Variants in CHST11 observed in about 807,000 individuals in gnomAD.
The protein encoded by CHST11 is C4S-1.
In CHST11, 9 loss-of-function variants were observed where a neutral mutation model predicts 30.4. The ratio of observed to expected loss-of-function variants is 0.30; its 90% CI spans 0.18 to 0.52. The LOEUF is 0.52. Among genes scored for constraint, CHST11 ranks in the 20% least tolerant of loss-of-function variants. The pLI, the probability that CHST11 is intolerant of heterozygous loss-of-function variation, is 0.97. For synonymous variants in CHST11, 152 were observed against 187.8 expected (o/e 0.81, Z 1.56); for missense variants, 348 against 460.6 (o/e 0.76, Z 2.24).
intron 1 of CHST11, among the ~76,000 whole-genome samples, chr12:104,505,630 G>A (rs2037898108): frequency 6.6e-6 from 1 of 152,204 alleles, no homozygotes; most frequent in Non-Finnish European, 1.5e-5. Context: ...TCTTGGACAA[G>A]TTATTTTAAC....
Position 104,533,188 on chromosome 12 carries a change from T to C in CHST11, c.119-68718T>C, listed in dbSNP as rs186725239. 2.3e-3 allele frequency among the ~76,000 whole-genome samples: 354 copies of C among 152,380 alleles called. 3 individuals carry two copies. Among genetic ancestry groups the C allele is most frequent in the African/African-American group, 8.2e-3 (342 of 41,594 alleles). On this transcript the variant is annotated intron_variant, in intron 1 of 2. Coordinates refer to ENST00000303694, the MANE Select transcript of CHST11 (RefSeq NM_018413.6). ...GGTATTTTGAACCCACCTCCATGAC[T>C]GTACTCATCACATCATGCTATAGTT... is the stretch of plus-strand genomic sequence containing the variant.
chr12:104,572,483 A>T (rs1399736847), intron 1 of CHST11, among the ~76,000 whole-genome samples: 3 of 152,120 alleles, frequency 2.0e-5, no homozygotes, highest in African/African-American at 7.2e-5. Flanking sequence ...TTCTTCTAGA[A>T]TTTCTAGTTT....
At chr12:104,486,929 G>A (rs75164619) in intron 1 of CHST11, among the ~76,000 whole-genome samples, 2,414 of 152,268 alleles carry the variant, frequency 0.016, 62 homozygotes, top group African/African-American at 0.055. Context: ...ATCCAACAGC[G>A]CAAGGCTTTT....
intron 1 of CHST11, among the ~76,000 whole-genome samples, chr12:104,499,225 A>G (rs1829426400): frequency 6.6e-6 from 1 of 152,142 alleles, no homozygotes; most frequent in Non-Finnish European, 1.5e-5. Flanking sequence ...GTTAGATTTG[A>G]TTTACTGCTT....
At chr12:104,649,987 A>G (rs2039475951) in intron 2 of CHST11, among the ~76,000 whole-genome samples, 1 of 152,204 alleles carries the variant, frequency 6.6e-6, no homozygotes, top group African/African-American at 2.4e-5. Flanking sequence ...CACTCCATCA[A>G]TTACTTGGTT....
At chr12:104,667,663 G>A (rs940844602) in intron 2 of CHST11, among the ~76,000 whole-genome samples, 1 of 152,138 alleles carries the variant, frequency 6.6e-6, no homozygotes, top group East Asian at 1.9e-4. Context: ...ATGACCTTAG[G>A]GGAGCTATGA....
At chr12:104,574,352 C>T (rs2038660970) in intron 1 of CHST11, among the ~76,000 whole-genome samples, 3 of 152,126 alleles carry the variant, frequency 2.0e-5, no homozygotes, top group Non-Finnish European at 4.4e-5. Context: ...CCAGCCATCC[C>T]ATTACTGGGT....
intron 1 of CHST11, among the ~76,000 whole-genome samples, chr12:104,488,612 T>C (rs868332973): frequency 1.4e-5 from 2 of 147,600 alleles, no homozygotes; most frequent in Non-Finnish European, 3.0e-5. Context: ...TATGTGTGTA[T>C]GTATGTGTGC....
chr12:104,531,504 A>G lies in CHST11; in HGVS notation c.119-70402A>G, dbSNP rs547253882. 1.9e-3 allele frequency among the ~76,000 whole-genome samples: 284 copies of G among 150,996 alleles called. 2 individuals are homozygous for G. Among genetic ancestry groups the G allele is most frequent in the African/African-American group, 6.7e-3 (276 of 41,142 alleles). On this transcript the variant is annotated intron_variant, in intron 1 of 2. Coordinates refer to ENST00000303694, the MANE Select transcript of CHST11 (RefSeq NM_018413.6). ...AAGAGAGAGAGAGAGAGAAAGATTAAGTGACATGGATACAAAGGATGGGAA... is the reference window on the plus strand; with the variant it reads ...AAGAGAGAGAGAGAGAGAAAGATTAGGTGACATGGATACAAAGGATGGGAA...
At chr12:104,473,988 GA>G (rs2037535123) in intron 1 of CHST11, among the ~76,000 whole-genome samples, 1 of 151,880 alleles carries the variant, frequency 6.6e-6, no homozygotes, top group Non-Finnish European at 1.5e-5. Flanking sequence ...AGGCTTAATT[GA>G]AAAAGAAACT....
intron 2 of CHST11, among the ~76,000 whole-genome samples, chr12:104,615,634 GA>G: frequency 1.3e-5 from 2 of 152,104 alleles, no homozygotes. Flanking sequence ...TGTAAAATGA[GA>G]ATAAGAATTG....
intron 1 of CHST11, among the ~76,000 whole-genome samples, chr12:104,479,268 C>T (rs2037594613): frequency 6.6e-6 from 1 of 152,064 alleles, no homozygotes; most frequent in Non-Finnish European, 1.5e-5. Context: ...TCTGTCTCCT[C>T]ATGGTGGCAA....
intron 1 of CHST11, among the ~76,000 whole-genome samples, chr12:104,573,858 AT>A (rs1213088685): frequency 6.6e-6 from 1 of 152,226 alleles, no homozygotes; most frequent in Non-Finnish European, 1.5e-5. Flanking sequence ...AAATTGACAA[AT>A]GGAATCTAAT....
At chr12:104,531,544 A>G (rs2135995091) in intron 1 of CHST11, among the ~76,000 whole-genome samples, 1 of 151,828 alleles carries the variant, frequency 6.6e-6, no homozygotes, top group South Asian at 2.1e-4. Flanking sequence ...CTGCAAAGAA[A>G]GATTGAAGTC....
At chr12:104,497,010 G>A (rs1168664565) in intron 1 of CHST11, among the ~76,000 whole-genome samples, 1 of 152,168 alleles carries the variant, frequency 6.6e-6, no homozygotes, top group Non-Finnish European at 1.5e-5. Context: ...CCTCTGACTT[G>A]TGGATGAGAA....
chr12:104,467,254 G>A (rs985422186), intron 1 of CHST11, among the ~76,000 whole-genome samples: 2 of 152,178 alleles, frequency 1.3e-5, no homozygotes, highest in Non-Finnish European at 2.9e-5. Flanking sequence ...AGATGGAGTT[G>A]TTTGTGGCCA....
chr12:104,508,080 C>T (rs368685156), intron 1 of CHST11, among the ~76,000 whole-genome samples: 9 of 152,328 alleles, frequency 5.9e-5, no homozygotes, highest in African/African-American at 2.2e-4. Flanking sequence ...TCTCCTCGAC[C>T]TTGAGACACC....
intron 1 of CHST11, among the ~76,000 whole-genome samples, chr12:104,482,226 A>G (rs933837905): frequency 1.4e-5 from 2 of 142,010 alleles, no homozygotes; most frequent in African/African-American, 5.3e-5. Context: ...GCCTTCCCCC[A>G]TCCCTTCTCT....
chr12:104,627,772 A>T (rs1218639905), intron 2 of CHST11, among the ~76,000 whole-genome samples: 1 of 140,284 alleles, frequency 7.1e-6, no homozygotes, highest in African/African-American at 2.6e-5. Context: ...TTCTCAGCAT[A>T]AAGTCAGATG....
Sources: gnomAD v4.1 joint callset for allele counts (sites outside exome capture counted in the v4.1 genomes callset) on GRCh38, gnomAD v4.1.1 for gene constraint, MANE v1.5 for transcripts, NCBI Gene and HGNC (gene_info 2026-07-23, HGNC 2026-07-21) for gene names.